Variants in OTOG observed in about 807,000 individuals in gnomAD.
OTOG encodes otogelin.
A neutral mutation model predicts 313.8 loss-of-function variants in OTOG; 296 were observed. The ratio of observed to expected loss-of-function variants is 0.94; its 90% CI spans 0.86 to 1.04. OTOG has a LOEUF of 1.04. Ranked by LOEUF, OTOG falls within the 50% of genes least tolerant of loss-of-function variation. OTOG has a pLI of 0.00. For synonymous variants in OTOG, 1,533 were observed against 1,554.9 expected, an observed-to-expected ratio of 0.99 and a Z score of 0.33; for missense variants, 3,948 against 3,840.1, an observed-to-expected ratio of 1.03 and a Z score of -0.74.
intron 39 of OTOG, among the ~76,000 whole-genome samples, chr11:17,616,238 A>G (rs1853716239): frequency 6.6e-6 from 1 of 152,018 alleles, no homozygotes; most frequent in Non-Finnish European, 1.5e-5. Context: ...TTAATTTTGT[A>G]TAGAGATGGG....
chr11:17,576,798 C>A lies in OTOG; in HGVS notation c.2562-70C>A, dbSNP rs751494533. 223 of 1,529,762 alleles carry A rather than the reference C, an allele frequency of 1.5e-4. 1 individual carries two copies. Among genetic ancestry groups the A allele is most frequent in the Non-Finnish European group, 2.7e-5 (30 of 1,130,050 alleles). 94.8% of individuals were successfully genotyped at this position (1,529,762 alleles called of 1,614,324 possible). A position where few individuals can be genotyped will look rare whatever the true frequency, so the allele number is the denominator to read the frequency against. On this transcript the variant is annotated intron_variant, in intron 21 of 55. Transcript: ENST00000399397. ...TCTGAACTCTGCAGTGACCCGAGTG[C>A]AGCAACATGGGGTGTCTGGGTCCTG...
chr11:17,591,350 G>A (rs1336360136), intron 24 of OTOG, 100 bp from the exon 25 acceptor site: 11 of 1,447,104 alleles, frequency 7.6e-6, no homozygotes, highest in Non-Finnish European at 1.0e-5. Flanking sequence ...TTTGCCGAGG[G>A]ACACAGTGCA....
At chr11:17,555,726 G>A in intron 6 of OTOG, 53 bp from the exon 7 acceptor site, 5 of 1,423,988 alleles carry the variant, frequency 3.5e-6, no homozygotes, top group Non-Finnish European at 4.8e-6. Context: ...GTGAAGCTCA[G>A]GGTCAGGCCT....
In OTOG at chr11:17,632,208, C is replaced by T. The variant is rs756364973; in HGVS notation, c.7054C>T (p.Arg2352Trp). 1.3e-4 allele frequency: 196 copies of T among 1,550,680 alleles called. No homozygotes were observed. In the Middle Eastern group the frequency reaches 3.4e-3, roughly 27 times the overall value. Residue 2352 changes from arginine (R) to tryptophan (W), a missense_variant, in exon 42 of 56, where the codon CGG becomes TGG. Transcript: ENST00000399397. ...CHKFHVCIEW[R>W]RSDYCPFLCS... ...CAAATTTCATGTGTGCATCGAGTGG[C>T]GGCGCTCTGACTACTGCCGTGAGTT...
At chr11:17,601,316 C>T (rs543145381) in intron 31 of OTOG, among the ~76,000 whole-genome samples, 1 of 152,176 alleles carries the variant, frequency 6.6e-6, no homozygotes, top group South Asian at 2.1e-4. Context: ...AAGGAGGTGA[C>T]ATTTGAGCTG....
chr11:17,645,563 G>A lies in OTOG; in HGVS notation c.8462-1G>A, dbSNP rs1848056574. 1 of 1,550,362 alleles carries A rather than the reference G, an allele frequency of 6.5e-7. No homozygotes were observed. The highest frequency in any genetic ancestry group is 1.4e-5 in the African/African-American group (1 of 73,046). On this transcript the variant is annotated splice_acceptor_variant, in intron 54 of 55. Coordinates refer to ENST00000399397, the MANE Select transcript of OTOG (RefSeq NM_001292063.2). LOFTEE classifies it high-confidence loss of function. ...GCTGCCTCATCCCCCTGTCCCCCCA[G>A]GTAAGGAGGATGGGCGCTCCTGCAA...
intron 3 of OTOG, among the ~76,000 whole-genome samples, chr11:17,549,409 C>T (rs1247621301): frequency 5.3e-5 from 8 of 152,204 alleles, no homozygotes; most frequent in Non-Finnish European, 1.2e-4. Context: ...ATGGTGTGGG[C>T]GTGCTTCTTC....
In OTOG at chr11:17,609,776, C is replaced by A; in HGVS notation, c.4476C>A (p.Thr1492=). 1 of 1,549,054 alleles carries A rather than the reference C, an allele frequency of 6.5e-7. No individual in the cohort carries two copies. The highest frequency in any genetic ancestry group is 8.7e-7 in the Non-Finnish European group (1 of 1,146,174). The part of the protein sequence containing the change: ...EPQLSQESPR[T]PTHRPALTPA... ...AGCTGTCACAGGAAAGCCCCAGGAC[C>A]CCCACCCACAGGCCAGCCCTCACCC... The change falls in exon 36 of 56, where the codon ACC becomes ACA. Residue 1492 remains threonine (T), a synonymous_variant. Transcript: ENST00000399397.
Position 17,559,153 on chromosome 11 carries a change from G to T in OTOG, c.1205G>T (p.Arg402Leu). The change falls in exon 11 of 56, where the codon CGG becomes CTG. Residue 402 changes from arginine (R) to leucine (L), a missense_variant. Coordinates refer to ENST00000399397, the MANE Select transcript of OTOG (RefSeq NM_001292063.2). ...RPLQGWRTQL[R>L]QCTVHCKEKA... ...TTGCAAGGCTGGAGGACCCAGCTCC[G>T]GCAATGCAGTAGGTGCAGCCCAGTA... is the stretch of plus-strand genomic sequence containing the variant. 1.3e-6 allele frequency: 2 copies of T among 1,537,832 alleles called. No homozygotes were observed. The highest frequency in any genetic ancestry group is 1.7e-6 in the Non-Finnish European group (2 of 1,146,498).
At position 17,624,995 on chromosome 11, in the gene OTOG, T is replaced by C. The variant is rs112700335; in HGVS notation, c.6529-4138T>C. 2.4e-3 allele frequency among the ~76,000 whole-genome samples: 370 copies of C among 152,326 alleles called. 1 individual carries two copies. Among genetic ancestry groups the C allele is most frequent in the African/African-American group, 8.4e-3 (349 of 41,588 alleles). On this transcript the variant is annotated intron_variant, in intron 39 of 55. Coordinates refer to ENST00000399397, the MANE Select transcript of OTOG (RefSeq NM_001292063.2). ...TATATAGGAATACTAGTGATTTCTA[T>C]ACATTGATTTTGTATCTTGAGACTT... is the stretch of plus-strand genomic sequence containing the variant.
At position 17,619,243 on chromosome 11, in the gene OTOG, C is replaced by T. The variant is rs187918312; in HGVS notation, c.6528+5542C>T. 5.9e-3 allele frequency among the ~76,000 whole-genome samples: 901 copies of T among 152,260 alleles called. 8 individuals are homozygous for T. The highest frequency in any genetic ancestry group is 0.017 in the Middle Eastern group (5 of 292). ...CCGTGATTGCACGACTGCACTCCAG[C>T]CTGGGTGACAGGAGTGAGGCCCTGT... On this transcript the variant is annotated intron_variant, in intron 39 of 55. Coordinates refer to ENST00000399397, the MANE Select transcript of OTOG (RefSeq NM_001292063.2).
chr11:17,564,607 G>A (rs1852260131), intron 15 of OTOG, among the ~76,000 whole-genome samples: 1 of 152,222 alleles, frequency 6.6e-6, no homozygotes, highest in African/African-American at 2.4e-5. Flanking sequence ...CAAAGATGAA[G>A]CTGCGACTGC....
intron 38 of OTOG, among the ~76,000 whole-genome samples, chr11:17,613,241 TTCTTTCTTTC>T (rs1565118956): frequency 8.2e-6 from 1 of 122,350 alleles, no homozygotes; most frequent in Non-Finnish European, 1.7e-5. Context: ...CTTTCTTTCT[TTCTTTCTTTC>T]TTTCTTTCTT....
At chr11:17,558,913 T>C (rs1852114962) in intron 10 of OTOG, 139 bp from the exon 11 acceptor site, 1 of 765,876 alleles carries the variant, frequency 1.3e-6, no homozygotes, top group Non-Finnish European at 2.2e-6. Context: ...TCTGTTCACC[T>C]AGATGCCTTC....
chr11:17,602,216 G>C lies in OTOG; in HGVS notation c.3716G>C (p.Gly1239Ala). The stretch of plus-strand genomic sequence containing the variant: ...TGGGGCCTCTTCTCTCCAGTGCTAG[G>C]TAAGGGCCCCTATCAGCTATCCAGC... Reference protein sequence around the residue: ...YDCDFFNKVLGKGPYQLSSLA... With the variant: ...YDCDFFNKVLAKGPYQLSSLA... Residue 1239 changes from glycine (G) to alanine (A), a missense_variant, in exon 32 of 56, where the codon GGT (glycine) becomes GCT (alanine). By Grantham distance (60) the Gly-to-Ala change is moderately conservative. Transcript: ENST00000399397. 1 of 1,550,316 alleles carries C rather than the reference G, an allele frequency of 6.5e-7. No homozygotes were observed. The highest frequency in any genetic ancestry group is 8.7e-7 in the Non-Finnish European group (1 of 1,146,936).
chr11:17,613,651 A>C lies in OTOG; in HGVS notation c.6478A>C (p.Asn2160His), dbSNP rs1427182700. ...GCCCCCGTTCTGTCTGGTGATGTTGAACATGACTCACTTGGCCCATCAGGT... is the reference window on the plus strand; with the variant it reads ...GCCCCCGTTCTGTCTGGTGATGTTGCACATGACTCACTTGGCCCATCAGGT... ...NWPPFCLVMLNMTHLAHQVTI... is the reference protein window; with the variant it reads ...NWPPFCLVMLHMTHLAHQVTI... Residue 2160 changes from asparagine to histidine, a missense_variant, in exon 39 of 56, where the codon AAC (asparagine) becomes CAC (histidine). Transcript: ENST00000399397. The C allele has an allele frequency of 1.9e-6, 3 of 1,550,744 alleles. No individual in the cohort carries two copies. Among genetic ancestry groups the C allele is most frequent in the Non-Finnish European group, 8.7e-7 (1 of 1,147,034 alleles).
intron 32 of OTOG, among the ~76,000 whole-genome samples, chr11:17,604,292 G>A (rs1853328011): frequency 6.6e-6 from 1 of 152,240 alleles, no homozygotes; most frequent in South Asian, 2.1e-4. Context: ...GGAAAACAGT[G>A]GAGAAGCCTT....
chr11:17,576,521 C>G, intron 20 of OTOG, 35 bp from the exon 21 acceptor site: 1 of 1,516,180 alleles, frequency 6.6e-7, no homozygotes, highest in South Asian at 1.2e-5. Context: ...AGCTCCTGAG[C>G]CTGCTCACCT....
At position 17,609,655 on chromosome 11, in the gene OTOG, G is replaced by A. The variant is rs759479112; in HGVS notation, c.4355G>A (p.Cys1452Tyr). 3 of 1,486,556 alleles carry A rather than the reference G, an allele frequency of 2.0e-6. No homozygotes were observed. The South Asian group carries it at 4.0e-5, about 20-fold the overall frequency. 92.1% of individuals were successfully genotyped at this position (1,486,556 alleles called of 1,614,324 possible). A position where few individuals can be genotyped will look rare whatever the true frequency, so the allele number is the denominator to read the frequency against. ...VTQRCVYLED[C>Y]VEPAVWVPTE... ...TGAACCTCTTCTTTTGTCTCCGCAG[G>A]TGTGGAGCCAGCAGTTTGGGTTCCC... The change falls in exon 36 of 56, where the codon TGT becomes TAT. Residue 1452 changes from cysteine (C) to tyrosine (Y), a missense_variant and splice_region_variant. Cys to Tyr is a radical substitution (Grantham distance 194, BLOSUM62 -2). Transcript: ENST00000399397.
Sources: allele counts gnomAD v4.1 joint callset (sites outside exome capture counted in the v4.1 genomes callset), GRCh38; gene constraint gnomAD v4.1.1; transcripts MANE v1.5; gene names NCBI Gene and HGNC (gene_info 2026-07-23, HGNC 2026-07-21).